The following CPNE5 variants were observed in gnomAD, a reference collection of about 807,000 sequenced individuals.
The protein encoded by CPNE5 is copine-5.
Under a neutral mutation model 81.1 loss-of-function variants are expected in CPNE5, and 42 were observed. That is an observed-to-expected ratio of 0.52 (90% CI 0.40 to 0.67). The LOEUF (loss-of-function observed/expected upper bound fraction) is 0.67. Ranked by LOEUF, CPNE5 falls within the 30% of genes least tolerant of loss-of-function variation. The pLI is 0.00. For synonymous variants in CPNE5, 313 were observed against 321.5 expected (o/e 0.97, Z 0.28); for missense variants, 612 against 815.5 (o/e 0.75, Z 3.04).
chr6:36,747,122 T>G (rs181778682), intron 15 of CPNE5, among the ~76,000 whole-genome samples: 2 of 152,190 alleles, frequency 1.3e-5, no homozygotes, highest in Admixed American at 1.3e-4. Context: ...AGATGTCCAC[T>G]CCCTGGCCCG....
At chr6:36,808,983 T>C (rs1770854119) in intron 3 of CPNE5, among the ~76,000 whole-genome samples, 1 of 152,216 alleles carries the variant, frequency 6.6e-6, no homozygotes, top group Non-Finnish European at 1.5e-5. Flanking sequence ...AAGAGGCTTA[T>C]GCTGTGAATG....
At chr6:36,838,973 C>G (rs969832727) in intron 1 of CPNE5, among the ~76,000 whole-genome samples, 5 of 152,300 alleles carry the variant, frequency 3.3e-5, no homozygotes, top group African/African-American at 9.6e-5. Context: ...GACCGTAGTA[C>G]AGCCTTTTAC....
At chr6:36,791,116 T>A (rs939597074) in intron 8 of CPNE5, among the ~76,000 whole-genome samples, 2 of 152,112 alleles carry the variant, frequency 1.3e-5, no homozygotes, top group African/African-American at 4.8e-5. Context: ...TGCCTCTCCC[T>A]GCATCTGTCC....
chr6:36,761,544 C>G (rs1459311613), intron 12 of CPNE5, among the ~76,000 whole-genome samples: 1 of 152,196 alleles, frequency 6.6e-6, no homozygotes, highest in Non-Finnish European at 1.5e-5. Flanking sequence ...GAACTCAAGG[C>G]CAGCTCTTCA....
At chr6:36,826,365 C>G (rs1561825917) in intron 1 of CPNE5, among the ~76,000 whole-genome samples, 1 of 152,140 alleles carries the variant, frequency 6.6e-6, no homozygotes, top group African/African-American at 2.4e-5. Flanking sequence ...AACCAGCACC[C>G]CAGGATAAAG....
At chr6:36,760,121 G>T (rs959183251) in intron 12 of CPNE5, among the ~76,000 whole-genome samples, 1 of 151,752 alleles carries the variant, frequency 6.6e-6, no homozygotes, top group Non-Finnish European at 1.5e-5. Context: ...AGACTGAGGT[G>T]GGAGGATAGC....
intron 1 of CPNE5, among the ~76,000 whole-genome samples, chr6:36,835,953 C>A (rs1773463392): frequency 6.6e-6 from 1 of 152,130 alleles, no homozygotes; most frequent in South Asian, 2.1e-4. Flanking sequence ...TTCATTTAAG[C>A]CTCATAACTG....
At chr6:36,761,914 C>A (rs563940965) in intron 12 of CPNE5, among the ~76,000 whole-genome samples, 2 of 152,020 alleles carry the variant, frequency 1.3e-5, no homozygotes, top group Non-Finnish European at 2.9e-5. Context: ...CACAGAGGAG[C>A]AGGACCTGAG....
intron 6 of CPNE5, 134 bp downstream of exon 6, chr6:36,798,031 G>T (rs1271934213): frequency 4.5e-6 from 3 of 666,750 alleles, no homozygotes; most frequent in Admixed American, 5.3e-5. Flanking sequence ...GTGAGGCATG[G>T]GGTCTCTTTA....
intron 1 of CPNE5, among the ~76,000 whole-genome samples, chr6:36,826,436 T>C (rs1772508679): frequency 6.6e-6 from 1 of 152,214 alleles, no homozygotes; most frequent in African/African-American, 2.4e-5. Context: ...ACTATTCCTG[T>C]CCTTCCTCAG....
chr6:36,778,583 C>A (rs1767752418), intron 9 of CPNE5, among the ~76,000 whole-genome samples: 2 of 152,168 alleles, frequency 1.3e-5, no homozygotes, highest in Non-Finnish European at 1.5e-5. Context: ...CCCCACCCTC[C>A]AAATACCTAG....
At chr6:36,771,146 C>T (rs1326094314) in intron 10 of CPNE5, among the ~76,000 whole-genome samples, 1 of 152,156 alleles carries the variant, frequency 6.6e-6, no homozygotes, top group African/African-American at 2.4e-5. Context: ...GGACTAAAAC[C>T]AATCCAAGCA....
chr6:36,755,221 A>G (rs1296793732), intron 13 of CPNE5: 2 of 152,178 alleles, frequency 1.3e-5, no homozygotes, highest in East Asian at 3.8e-4. Context: ...AGGTCTGGAG[A>G]TACAGTCTGC....
At chr6:36,796,816 G>A (rs1038402381) in intron 6 of CPNE5, among the ~76,000 whole-genome samples, 24 of 152,120 alleles carry the variant, frequency 1.6e-4, no homozygotes, top group African/African-American at 5.8e-4. Flanking sequence ...GGGGGCCAAG[G>A]AAACATTTCC....
chr6:36,835,751 G>A (rs375804474), intron 1 of CPNE5, among the ~76,000 whole-genome samples: 13 of 151,532 alleles, frequency 8.6e-5, no homozygotes, highest in African/African-American at 2.4e-4. Flanking sequence ...AGCTGAGATC[G>A]CGCCTTTGCA....
At chr6:36,796,420 C>T (rs1042560179) in intron 6 of CPNE5, among the ~76,000 whole-genome samples, 1 of 152,204 alleles carries the variant, frequency 6.6e-6, no homozygotes, top group African/African-American at 2.4e-5. Flanking sequence ...GCTTTGGACC[C>T]AGGCAGCTGG....
chr6:36,817,469 TACGGACCC>T (rs1409995242), intron 3 of CPNE5, among the ~76,000 whole-genome samples: 1 of 152,152 alleles, frequency 6.6e-6, no homozygotes, highest in Non-Finnish European at 1.5e-5. Flanking sequence ...CCTTGATCTC[TACGGACCC>T]TTCTGCTCTG....
chr6:36,798,334 G>T (rs987286410), intron 5 of CPNE5, 93 bp from the exon 6 acceptor site: 8 of 1,493,698 alleles, frequency 5.4e-6, no homozygotes, highest in Non-Finnish European at 7.5e-6. Context: ...AAGCGTGAGG[G>T]CCCTTAAATG....
intron 1 of CPNE5, among the ~76,000 whole-genome samples, chr6:36,833,693 A>C (rs1583056899): frequency 6.6e-6 from 1 of 152,178 alleles, no homozygotes; most frequent in African/African-American, 2.4e-5. Flanking sequence ...TCTGCCACCC[A>C]CCGGTGAGCT....
Sources: allele counts gnomAD v4.1 joint callset (sites outside exome capture counted in the v4.1 genomes callset), GRCh38; gene constraint gnomAD v4.1.1; transcripts MANE v1.5; gene names NCBI Gene and HGNC (gene_info 2026-07-23, HGNC 2026-07-21).